Variants in PJA2 observed in about 807,000 individuals in gnomAD.
PJA2 encodes praja ring finger ubiquitin ligase 2, also known as E3 ubiquitin-protein ligase Praja-2.
In PJA2, 25 loss-of-function variants were observed where a neutral mutation model predicts 69.3. The ratio of observed to expected loss-of-function variants is 0.36; its 90% CI spans 0.26 to 0.50. The LOEUF (loss-of-function observed/expected upper bound fraction) is 0.50, where lower values mean the gene tolerates loss of function less well. Among genes scored for constraint, PJA2 ranks in the 20% least tolerant of loss-of-function variants. The pLI is 0.96. For synonymous variants in PJA2, 308 were observed against 277.8 expected (o/e 1.11, Z -1.08); for missense variants, 809 against 830.2 (o/e 0.97, Z 0.31).
rs546102984 is a variant in PJA2 at position 109,396,193 on chromosome 5, T to C, written c.-87-12673A>G. Among the ~76,000 whole-genome samples the C allele has an allele frequency of 2.0e-5, 3 of 152,240 alleles. No individual in the cohort carries two copies. The South Asian group carries it at 6.2e-4, about 32-fold the overall frequency. ...ACTCATCATTAGATATGATTACTTCTATTTTCATTAGTAAACACTTCAGTG... is the reference window on the plus strand; with the variant it reads ...ACTCATCATTAGATATGATTACTTCCATTTTCATTAGTAAACACTTCAGTG... On this transcript the variant is annotated intron_variant, in intron 1 of 9. Transcript: ENST00000361189.
intron 3 of PJA2, among the ~76,000 whole-genome samples, chr5:109,380,815 A>C (rs10035266): frequency 1.3e-5 from 2 of 151,154 alleles, no homozygotes; most frequent in South Asian, 4.2e-4. Flanking sequence ...AAAAAAAAAA[A>C]AAAAAAAAGA....
intron 1 of PJA2, among the ~76,000 whole-genome samples, chr5:109,407,361 C>A (rs1747716740): frequency 6.6e-6 from 1 of 151,954 alleles, no homozygotes; most frequent in Admixed American, 6.5e-5. Context: ...TCAAAAACAA[C>A]AACATAAGCA....
At chr5:109,342,573 G>A (rs1198289509) in intron 9 of PJA2, among the ~76,000 whole-genome samples, 1 of 98,874 alleles carries the variant, frequency 1.0e-5, no homozygotes, top group Non-Finnish European at 2.1e-5. Flanking sequence ...GGGAGGTGAG[G>A]GGCGCCTCTG....
At chr5:109,386,805 T>C (rs1747169031) in intron 1 of PJA2, among the ~76,000 whole-genome samples, 1 of 152,222 alleles carries the variant, frequency 6.6e-6, no homozygotes, top group Non-Finnish European at 1.5e-5. Context: ...TGAAAGGCAC[T>C]GTGTCCTACC....
At chr5:109,398,812 C>T (rs1054134986) in intron 1 of PJA2, among the ~76,000 whole-genome samples, 4 of 152,006 alleles carry the variant, frequency 2.6e-5, no homozygotes, top group Non-Finnish European at 5.9e-5. Context: ...ACCTTTACTC[C>T]TAGAGCAGAG....
At chr5:109,395,175 A>G (rs1747378234) in intron 1 of PJA2, among the ~76,000 whole-genome samples, 1 of 152,246 alleles carries the variant, frequency 6.6e-6, no homozygotes, top group Non-Finnish European at 1.5e-5. Flanking sequence ...CTCACAATAA[A>G]AAGTGTAACA....
rs541981896 is a variant in PJA2, at chr5:109,337,108, A to C, written c.*123T>G. On this transcript the variant is annotated 3_prime_UTR_variant, in exon 10 of 10. Transcript: ENST00000361189. ...TTTAGAAAGGTTAATATTCTTTCTA[A>C]ACTATGGCATATACTATATATAGCA... 6.5e-6 allele frequency: 6 copies of C among 916,874 alleles called. No individual in the cohort carries two copies. Among genetic ancestry groups the C allele is most frequent in the Non-Finnish European group, 7.3e-6 (5 of 680,522 alleles). 56.8% of individuals were successfully genotyped at this position (916,874 alleles called of 1,614,324 possible).
rs573407415 is a variant in PJA2 at position 109,406,724 on chromosome 5, G to A, written c.-88+3118C>T. Among the ~76,000 whole-genome samples the A allele has an allele frequency of 6.6e-4, 101 of 152,242 alleles. 1 individual carries two copies. The highest frequency in any genetic ancestry group is 1.2e-3 in the Non-Finnish European group (85 of 68,026). ...AATTCAAAATAAATGAATGTTCATTGAATAAAGGAATGTTCAACAAATGAA... is the reference window on the plus strand; with the variant it reads ...AATTCAAAATAAATGAATGTTCATTAAATAAAGGAATGTTCAACAAATGAA... On this transcript the variant is annotated intron_variant, in intron 1 of 9. Coordinates refer to ENST00000361189, the MANE Select transcript of PJA2 (RefSeq NM_014819.5).
At chr5:109,377,630 T>C (rs951556155) in intron 4 of PJA2, among the ~76,000 whole-genome samples, 1 of 152,140 alleles carries the variant, frequency 6.6e-6, no homozygotes, top group Non-Finnish European at 1.5e-5. Context: ...GGAAGTTATA[T>C]AATGCTCTGT....
intron 1 of PJA2, among the ~76,000 whole-genome samples, chr5:109,408,962 AGAAC>A (rs1330348143): frequency 2.0e-5 from 3 of 152,236 alleles, no homozygotes; most frequent in African/African-American, 7.2e-5. Context: ...TAAACTTCAC[AGAAC>A]CAGCAGACTC....
At chr5:109,376,781 A>G (rs1332328378) in intron 4 of PJA2, among the ~76,000 whole-genome samples, 1 of 152,120 alleles carries the variant, frequency 6.6e-6, no homozygotes, top group Non-Finnish European at 1.5e-5. Context: ...TGTGTTTTGG[A>G]ATTTTGATAT....
chr5:109,342,912 G>A (rs1320709403), intron 9 of PJA2, among the ~76,000 whole-genome samples: 5 of 69,026 alleles, frequency 7.2e-5, no homozygotes, highest in South Asian at 4.7e-4. Context: ...CCGGCCAGCC[G>A]CCCCGTCCGG....
chr5:109,409,299 G>A (rs1274613234), intron 1 of PJA2: 1 of 152,292 alleles, frequency 6.6e-6, no homozygotes, highest in Non-Finnish European at 1.5e-5. Context: ...GAGCCTCACT[G>A]ACAATCGGGG....
rs759436303 is a variant in PJA2 at position 109,378,334 on chromosome 5, T to C, written c.1153A>G (p.Thr385Ala). ...FLDPPYSRVI[T>A]QRETENNQMT... ...TGGTTATTTTCTGTTTCCCTTTGTG[T>C]AATAACTCTTGAGTATGGTGGATCC... Residue 385 changes from threonine (T) to alanine (A), a missense_variant, in exon 4 of 10, where the codon ACA (threonine) becomes GCA (alanine). Physicochemically the swap from Thr to Ala is moderately conservative, Grantham distance 58. Around this residue, in one of 4 missense-constraint regions of PJA2, gnomAD observed 700 missense variants for 639.5 expected, o/e 1.09. Coordinates refer to ENST00000361189, the MANE Select transcript of PJA2 (RefSeq NM_014819.5). 2 of 1,614,214 alleles carry C rather than the reference T, an allele frequency of 1.2e-6. No homozygotes were observed. Among genetic ancestry groups the C allele is most frequent in the Non-Finnish European group, 1.7e-6 (2 of 1,180,020 alleles).
intron 9 of PJA2, among the ~76,000 whole-genome samples, chr5:109,339,963 T>A (rs777660281): frequency 5.9e-5 from 9 of 152,210 alleles, no homozygotes; most frequent in Admixed American, 2.6e-4. Context: ...GAAAGCAGTA[T>A]TTTAAAACTA....
At chr5:109,381,362 G>A in intron 3 of PJA2, 141 bp downstream of exon 3, 1 of 624,386 alleles carries the variant, frequency 1.6e-6, no homozygotes, top group Non-Finnish European at 2.7e-6. Flanking sequence ...AATTCAATAA[G>A]AATTTCAAAA....
intron 1 of PJA2, among the ~76,000 whole-genome samples, chr5:109,395,115 C>T (rs1747377236): frequency 6.6e-6 from 1 of 152,220 alleles, no homozygotes; most frequent in Admixed American, 6.5e-5. Context: ...AGTCACCTCA[C>T]TCTCAACCCA....
Position 109,337,328 on chromosome 5 carries a change from T to C in PJA2, c.2030A>G (p.His677Arg). ...TGCTTCAATAACCGCAGGTGGGAAA[T>C]GACGGCGGCACACAGGGCATGTTCC... is the stretch of plus-strand genomic sequence containing the variant. Reference protein sequence around the residue: ...KSGTCPVCRRHFPPAVIEASA... With the variant: ...KSGTCPVCRRRFPPAVIEASA... The change falls in exon 10 of 10, where the codon CAT becomes CGT. Residue 677 changes from histidine (H) to arginine (R), a missense_variant. Transcript: ENST00000361189. 6.2e-7 allele frequency: 1 copy of C among 1,612,042 alleles called. No homozygotes were observed. Among genetic ancestry groups the C allele is most frequent in the South Asian group, 1.1e-5 (1 of 90,874 alleles).
chr5:109,401,421 C>T (rs1582632221), intron 1 of PJA2, among the ~76,000 whole-genome samples: 1 of 152,150 alleles, frequency 6.6e-6, no homozygotes, highest in East Asian at 1.9e-4. Context: ...GCTTGTACCA[C>T]TGCACTCCAC....
Sources: allele counts gnomAD v4.1 joint callset (sites outside exome capture counted in the v4.1 genomes callset), GRCh38; gene constraint gnomAD v4.1.1; regional missense constraint gnomAD v4.1.1; transcripts MANE v1.5; gene names NCBI Gene and HGNC (gene_info 2026-07-23, HGNC 2026-07-21).